Variants in AK5 observed in about 807,000 individuals in gnomAD.
AK5 encodes the protein adenylate kinase 5, also known as adenylate kinase isoenzyme 5.
In AK5, 27 loss-of-function variants were observed where a neutral mutation model predicts 69.5. That is an observed-to-expected ratio of 0.39 (90% CI 0.29 to 0.54). The LOEUF is 0.54. Among genes scored for constraint, AK5 ranks in the 20% least tolerant of loss-of-function variants. The pLI is 0.71. For missense variants in AK5, 531 were observed against 700.4 expected, an observed-to-expected ratio of 0.76 and a Z score of 2.73; for synonymous variants, 260 against 244.4, an observed-to-expected ratio of 1.06 and a Z score of -0.60.
chr1:77,442,063 G>A (rs1476020830), intron 8 of AK5, among the ~76,000 whole-genome samples: 1 of 152,142 alleles, frequency 6.6e-6, no homozygotes, highest in Non-Finnish European at 1.5e-5. Context: ...CACAGGATAT[G>A]GCTGCAATTT....
chr1:77,557,897 C>A (rs1570365227), intron 13 of AK5, among the ~76,000 whole-genome samples: 1 of 150,362 alleles, frequency 6.7e-6, no homozygotes, highest in African/African-American at 2.4e-5. Context: ...ACTCATCCCA[C>A]CCCCCACCGC....
In AK5 at chr1:77,518,707, C is replaced by A. The variant is rs773232937; in HGVS notation, c.1291C>A (p.Arg431Ser). ...CAAATTGATCAGAGACATTATGGAACGTGGAGACCTGGTGCCCTCAGTAAG... is the reference window on the plus strand; with the variant it reads ...CAAATTGATCAGAGACATTATGGAAAGTGGAGACCTGGTGCCCTCAGTAAG... Reference protein sequence around the residue: ...RSKLIRDIMERGDLVPSGIVL... With the variant: ...RSKLIRDIMESGDLVPSGIVL... The change falls in exon 11 of 14, where the codon CGT becomes AGT. Residue 431 changes from arginine to serine, a missense_variant. Coordinates refer to ENST00000354567, the MANE Select transcript of AK5 (RefSeq NM_174858.3). 1 of 1,614,044 alleles carries A rather than the reference C, an allele frequency of 6.2e-7. No homozygotes were observed. Among genetic ancestry groups the A allele is most frequent in the Admixed American group, 1.7e-5 (1 of 60,010 alleles).
At chr1:77,330,682 G>A (rs1661044503) in intron 5 of AK5, among the ~76,000 whole-genome samples, 1 of 152,134 alleles carries the variant, frequency 6.6e-6, no homozygotes, top group Admixed American at 6.6e-5. Flanking sequence ...GATCACCTTG[G>A]TTATTCTTGA....
chr1:77,533,224 G>A (rs1028317048), intron 12 of AK5, among the ~76,000 whole-genome samples: 8 of 152,020 alleles, frequency 5.3e-5, no homozygotes, highest in Non-Finnish European at 1.0e-4. Context: ...TGGTTAAGAT[G>A]CAGACTCTAG....
At chr1:77,535,137 A>C (rs1658886378) in intron 12 of AK5, among the ~76,000 whole-genome samples, 1 of 152,222 alleles carries the variant, frequency 6.6e-6, no homozygotes, top group Non-Finnish European at 1.5e-5. Flanking sequence ...CCACTGCAGC[A>C]AGTGTTCCAC....
At chr1:77,546,916 G>C (rs1386131698) in intron 13 of AK5, among the ~76,000 whole-genome samples, 2 of 152,208 alleles carry the variant, frequency 1.3e-5, no homozygotes, top group African/African-American at 2.4e-5. Context: ...CCAGATGAAG[G>C]AGAAGGAACA....
At chr1:77,394,380 A>G (rs1039132026) in intron 6 of AK5, among the ~76,000 whole-genome samples, 15 of 152,114 alleles carry the variant, frequency 9.9e-5, no homozygotes, top group African/African-American at 3.4e-4. Flanking sequence ...CTCCTATGAC[A>G]CTTTCTTTAA....
At chr1:77,320,212 TAAATGCCCCC>T (rs1352327254) in intron 5 of AK5, among the ~76,000 whole-genome samples, 1 of 151,972 alleles carries the variant, frequency 6.6e-6, no homozygotes, top group Non-Finnish European at 1.5e-5. Flanking sequence ...AGCATGGGGG[TAAATGCCCCC>T]ATGATTCAAT....
chr1:77,550,056 C>T (rs11162364), intron 13 of AK5, among the ~76,000 whole-genome samples: 91,957 of 151,978 alleles, frequency 0.61, 30,542 homozygotes, highest in Non-Finnish European at 0.74. Flanking sequence ...GAACTCCTGG[C>T]CTCAAGCCAT....
At chr1:77,438,687 C>T (rs1256129706) in intron 8 of AK5, among the ~76,000 whole-genome samples, 1 of 152,074 alleles carries the variant, frequency 6.6e-6, no homozygotes, top group Non-Finnish European at 1.5e-5. Flanking sequence ...TTAGAGTGCT[C>T]ACAAAAATGT....
chr1:77,308,485 G>A (rs1659769151), intron 5 of AK5, among the ~76,000 whole-genome samples: 1 of 147,316 alleles, frequency 6.8e-6, no homozygotes, highest in Non-Finnish European at 1.5e-5. Flanking sequence ...TGGCCTGATT[G>A]TTTAAAGGTT....
chr1:77,427,997 T>G (rs892621621), intron 8 of AK5, among the ~76,000 whole-genome samples: 2 of 152,236 alleles, frequency 1.3e-5, no homozygotes, highest in Admixed American at 6.5e-5. Context: ...ATGAAGGATC[T>G]GCCTCCATGA....
chr1:77,428,951 C>T (rs1011346177), intron 8 of AK5, among the ~76,000 whole-genome samples: 4 of 152,336 alleles, frequency 2.6e-5, no homozygotes, highest in African/African-American at 4.8e-5. Flanking sequence ...TTTATGGCTG[C>T]ATAGTATTCC....
intron 7 of AK5, among the ~76,000 whole-genome samples, chr1:77,416,375 G>C (rs1378767933): frequency 6.6e-6 from 1 of 152,102 alleles, no homozygotes; most frequent in African/African-American, 2.4e-5. Context: ...CATCACCCAG[G>C]GTTGTTCTGA....
chr1:77,393,252 G>C (rs923628083), intron 6 of AK5, among the ~76,000 whole-genome samples: 1 of 152,210 alleles, frequency 6.6e-6, no homozygotes, highest in African/African-American at 2.4e-5. Flanking sequence ...AATCTAGCTA[G>C]TTGTCAGGGC....
intron 6 of AK5, among the ~76,000 whole-genome samples, chr1:77,375,452 G>T (rs1647208380): frequency 6.6e-6 from 1 of 152,146 alleles, no homozygotes; most frequent in Admixed American, 6.5e-5. Flanking sequence ...ATATCAAGTG[G>T]AAATAAGAAC....
chr1:77,463,267 CAGTT>C (rs1047614614), intron 8 of AK5, among the ~76,000 whole-genome samples: 36 of 152,288 alleles, frequency 2.4e-4, no homozygotes, highest in African/African-American at 8.7e-4. Flanking sequence ...GAGCACAGCA[CAGTT>C]AGTCTGATCA....
chr1:77,346,629 T>G (rs1242559361), intron 6 of AK5, among the ~76,000 whole-genome samples: 2 of 152,124 alleles, frequency 1.3e-5, no homozygotes, highest in African/African-American at 2.4e-5. Context: ...CCCAAGTAGC[T>G]GGAACTACAG....
At chr1:77,458,865 G>A (rs1018016854) in intron 8 of AK5, among the ~76,000 whole-genome samples, 2 of 152,146 alleles carry the variant, frequency 1.3e-5, no homozygotes, top group Non-Finnish European at 2.9e-5. Flanking sequence ...AAGGGGAGTG[G>A]CATTATTTAG....
Sources: gnomAD v4.1 joint callset for allele counts (sites outside exome capture counted in the v4.1 genomes callset) on GRCh38, gnomAD v4.1.1 for gene constraint, MANE v1.5 for transcripts, NCBI Gene and HGNC (gene_info 2026-07-23, HGNC 2026-07-21) for gene names.